The following PPFIBP2 variants were observed in gnomAD, a reference collection of about 807,000 sequenced individuals.
PPFIBP2 encodes liprin-beta-2.
In PPFIBP2, 118 loss-of-function variants were observed where a neutral mutation model predicts 118.3. The ratio of observed to expected loss-of-function variants is 1.00; its 90% CI spans 0.86 to 1.16. The LOEUF (loss-of-function observed/expected upper bound fraction) is 1.16, where lower values mean the gene tolerates loss of function less well. Ranked by LOEUF, PPFIBP2 falls within the 50% of genes most tolerant of loss-of-function variation. The probability of loss-of-function intolerance (pLI) is 0.00; values close to 1 mark genes in which losing one functional copy is unlikely to be tolerated. For synonymous variants in PPFIBP2, 414 were observed against 397.4 expected (o/e 1.04, Z -0.50); for missense variants, 1,195 against 1,073.1 (o/e 1.11, Z -1.59).
chr11:7,656,089 C>A (rs567778180), downstream of PPFIBP2, among the ~76,000 whole-genome samples: 8 of 152,318 alleles, frequency 5.3e-5, no homozygotes, highest in African/African-American at 1.7e-4. Context: ...GTCATTCTCT[C>A]CTGAGCTTTG....
At chr11:7,597,422 G>A in intron 4 of PPFIBP2, 138 bp from the exon 5 acceptor site, 3 of 1,538,716 alleles carry the variant, frequency 1.9e-6, no homozygotes, top group South Asian at 2.4e-5. Context: ...TCCTCCACCT[G>A]CCACTCAGCA....
chr11:7,656,511 TA>T (rs1005392730), downstream of PPFIBP2, among the ~76,000 whole-genome samples: 16 of 152,224 alleles, frequency 1.1e-4, no homozygotes, highest in African/African-American at 3.6e-4. Context: ...GGCCTGAAAA[TA>T]GAAAATTTAT....
At chr11:7,625,737 G>T in intron 7 of PPFIBP2, 40 bp from the exon 8 acceptor site, 2 of 1,554,100 alleles carry the variant, frequency 1.3e-6, no homozygotes, top group Middle Eastern at 1.7e-4. Flanking sequence ...TGATTTGGCA[G>T]TCCTTCTGAC....
intron 1 of PPFIBP2, among the ~76,000 whole-genome samples, chr11:7,521,458 T>C (rs576858250): frequency 7.1e-4 from 108 of 152,370 alleles, no homozygotes; most frequent in African/African-American, 1.9e-3. Context: ...TATCTGCATT[T>C]GCATACACTA....
intron 3 of PPFIBP2, among the ~76,000 whole-genome samples, chr11:7,578,119 G>A (rs550139599): frequency 6.6e-6 from 1 of 152,310 alleles, no homozygotes; most frequent in East Asian, 1.9e-4. Flanking sequence ...AAGCTTTCAG[G>A]GAGTTCTCTT....
intron 15 of PPFIBP2, among the ~76,000 whole-genome samples, chr11:7,640,794 A>G (rs1034416662): frequency 1.3e-5 from 2 of 152,192 alleles, no homozygotes; most frequent in Non-Finnish European, 2.9e-5. Flanking sequence ...TGGACACCTC[A>G]GCCTGTCACA....
intron 3 of PPFIBP2, chr11:7,574,026 G>A (rs1019842386): frequency 1.3e-5 from 2 of 152,228 alleles, no homozygotes; most frequent in Admixed American, 6.5e-5. Context: ...CAGCCAGGTA[G>A]GTGGCAATCC....
At chr11:7,538,040 G>C (rs563444256) in intron 1 of PPFIBP2, among the ~76,000 whole-genome samples, 13 of 152,210 alleles carry the variant, frequency 8.5e-5, no homozygotes, top group South Asian at 2.1e-4. Context: ...AGAGTCAGAG[G>C]AGGGTGAAGC....
intron 1 of PPFIBP2, among the ~76,000 whole-genome samples, chr11:7,533,781 G>C (rs1850964523): frequency 6.6e-6 from 1 of 152,168 alleles, no homozygotes; most frequent in African/African-American, 2.4e-5. Flanking sequence ...GGTAGGACGT[G>C]GTCCAGTGAA....
At chr11:7,560,922 G>GT (rs1854232074) in intron 2 of PPFIBP2, among the ~76,000 whole-genome samples, 1 of 152,150 alleles carries the variant, frequency 6.6e-6, no homozygotes, top group African/African-American at 2.4e-5. Flanking sequence ...TTTTACTTCT[G>GT]TTTTTTAATT....
chr11:7,601,109 C>A (rs1337711171), intron 5 of PPFIBP2, among the ~76,000 whole-genome samples: 1 of 152,176 alleles, frequency 6.6e-6, no homozygotes, highest in African/African-American at 2.4e-5. Flanking sequence ...ATGCTGCTCT[C>A]CTGACCAATG....
chr11:7,605,681 C>T, intron 5 of PPFIBP2: 1 of 1,301,482 alleles, frequency 7.7e-7, no homozygotes, highest in Non-Finnish European at 9.7e-7. Flanking sequence ...AACAATGTTG[C>T]TTCAAGGAAG....
chr11:7,577,370 G>A (rs1323010652), intron 3 of PPFIBP2: 22 of 337,840 alleles, frequency 6.5e-5, no homozygotes, highest in South Asian at 4.5e-4. Flanking sequence ...GGTGGTCGGG[G>A]AGGACACTGA....
At chr11:7,618,513 T>C (rs966246287) in intron 6 of PPFIBP2, among the ~76,000 whole-genome samples, 1 of 152,108 alleles carries the variant, frequency 6.6e-6, no homozygotes, top group African/African-American at 2.4e-5. Flanking sequence ...CTGAGTAACC[T>C]GGCTAGGATA....
At chr11:7,551,072 C>G (rs1021241957) in intron 2 of PPFIBP2, among the ~76,000 whole-genome samples, 5 of 151,918 alleles carry the variant, frequency 3.3e-5, no homozygotes, top group African/African-American at 1.2e-4. Flanking sequence ...TATCTATCTC[C>G]TATTAGTTCT....
In PPFIBP2 at chr11:7,639,828, A is replaced by G. The variant is rs1280772851; in HGVS notation, c.1333A>G (p.Ile445Val). The change falls in exon 15 of 24, where the codon ATC becomes GTC. Residue 445 changes from isoleucine to valine, a missense_variant. By Grantham distance (29) the Ile-to-Val change is conservative. Transcript: ENST00000299492. ...AGAGGCTGCCAAATCTCCTCCCACC[A>G]TCTGCCAGCCTGACGCCACGGGGAG... is the stretch of plus-strand genomic sequence containing the variant. ...NGEAAKSPPT[I>V]CQPDATGSSL... 6.2e-6 allele frequency: 10 copies of G among 1,614,026 alleles called. No individual in the cohort carries two copies. Among genetic ancestry groups the G allele is most frequent in the South Asian group, 1.1e-5 (1 of 91,078 alleles).
intron 1 of PPFIBP2, among the ~76,000 whole-genome samples, chr11:7,540,779 A>G (rs1158532476): frequency 1.3e-5 from 2 of 152,174 alleles, no homozygotes; most frequent in Admixed American, 1.3e-4. Flanking sequence ...AAAAAAGATG[A>G]TCAGGGAGAT....
chr11:7,666,341 C>T, the PPFIBP2 span: 6 of 714,446 alleles, frequency 8.4e-6, no homozygotes, highest in South Asian at 1.1e-4. Context: ...GGCTTAACCC[C>T]CACATCTGGT....
At chr11:7,617,956 G>C (rs1025545894) in intron 6 of PPFIBP2, among the ~76,000 whole-genome samples, 37 of 152,292 alleles carry the variant, frequency 2.4e-4, no homozygotes, top group Admixed American at 2.4e-3. Context: ...CTGATGGCAG[G>C]TGATGGCAGC....
Sources: gnomAD v4.1 joint callset for allele counts (sites outside exome capture counted in the v4.1 genomes callset) on GRCh38, gnomAD v4.1.1 for gene constraint, MANE v1.5 for transcripts, NCBI Gene and HGNC (gene_info 2026-07-23, HGNC 2026-07-21) for gene names.